The following PDHX variants were observed in gnomAD, a reference collection of about 807,000 sequenced individuals.
PDHX encodes pyruvate dehydrogenase complex component X, also known as pyruvate dehydrogenase protein X component, mitochondrial.
PDHX carries 33 observed loss-of-function variants against 55.3 expected under a neutral mutation model. The ratio of observed to expected loss-of-function variants is 0.60; its 90% CI spans 0.45 to 0.80. The LOEUF (loss-of-function observed/expected upper bound fraction) is 0.80. Ranked by LOEUF, PDHX falls within the 30% of genes least tolerant of loss-of-function variation. The pLI, the probability that PDHX is intolerant of heterozygous loss-of-function variation, is 0.00. For missense variants in PDHX, 622 were observed against 619.9 expected (o/e 1.00, Z -0.04); for synonymous variants, 226 against 219.4 (o/e 1.03, Z -0.27).
chr11:34,952,233 G>A (rs1854791263), intron 3 of PDHX, among the ~76,000 whole-genome samples: 1 of 151,980 alleles, frequency 6.6e-6, no homozygotes, highest in African/African-American at 2.4e-5. Flanking sequence ...AGGACCAGAT[G>A]GATTCACAGC....
At chr11:34,916,429 G>C, upstream of PDHX, 1 of 1,489,822 alleles carries the variant, frequency 6.7e-7, no homozygotes, top group Non-Finnish European at 8.9e-7. Context: ...GCGGGGGCCG[G>C]GGTCTGGTAA....
intron 2 of PDHX, among the ~76,000 whole-genome samples, chr11:34,946,028 T>C (rs1854611298): frequency 1.3e-5 from 2 of 152,234 alleles, no homozygotes. Context: ...TTAGCAAACA[T>C]TGCAGCCTCA....
At chr11:34,924,694 T>A (rs1853975474) in intron 1 of PDHX, among the ~76,000 whole-genome samples, 2 of 152,188 alleles carry the variant, frequency 1.3e-5, no homozygotes, top group South Asian at 2.1e-4. Context: ...TGAGTTTTTT[T>A]AAATTAAATA....
chr11:34,992,099 G>A (rs962536344), intron 9 of PDHX, among the ~76,000 whole-genome samples: 22 of 152,074 alleles, frequency 1.4e-4, no homozygotes, highest in African/African-American at 5.1e-4. Context: ...GTTAAAGGAA[G>A]TGATTTTTCT....
intron 6 of PDHX, among the ~76,000 whole-genome samples, chr11:34,969,719 C>G (rs1285358420): frequency 6.6e-6 from 1 of 152,064 alleles, no homozygotes; most frequent in African/African-American, 2.4e-5. Context: ...TGTCTTCTCT[C>G]TCCTCTCTCT....
chr11:34,941,265 C>T (rs1014632315), intron 2 of PDHX, among the ~76,000 whole-genome samples: 1 of 152,190 alleles, frequency 6.6e-6, no homozygotes, highest in Admixed American at 6.5e-5. Flanking sequence ...ATGACAAACA[C>T]TGACTAGGGG....
At chr11:34,933,276 A>G (rs1210319814) in intron 2 of PDHX, among the ~76,000 whole-genome samples, 2 of 152,158 alleles carry the variant, frequency 1.3e-5, no homozygotes, top group Admixed American at 6.5e-5. Flanking sequence ...CTCTCTCTCA[A>G]TTTGCTTACA....
At chr11:34,961,912 T>C (rs1235021563) in intron 5 of PDHX, among the ~76,000 whole-genome samples, 1 of 152,210 alleles carries the variant, frequency 6.6e-6, no homozygotes, top group African/African-American at 2.4e-5. Flanking sequence ...AGAACCTTGG[T>C]TGCCAGTTAA....
chr11:34,934,079 C>T (rs960496729), intron 2 of PDHX, among the ~76,000 whole-genome samples: 1 of 152,114 alleles, frequency 6.6e-6, no homozygotes, highest in African/African-American at 2.4e-5. Context: ...TGAGAAGTTT[C>T]TCATTATTAG....
chr11:34,982,885 T>G (rs1855550050), intron 8 of PDHX, among the ~76,000 whole-genome samples: 1 of 152,038 alleles, frequency 6.6e-6, no homozygotes, highest in African/African-American at 2.4e-5. Flanking sequence ...ACTATTCCAA[T>G]CAATAGAAAA....
intron 5 of PDHX, among the ~76,000 whole-genome samples, chr11:34,961,951 A>G (rs1257048562): frequency 6.6e-6 from 1 of 152,174 alleles, no homozygotes; most frequent in Non-Finnish European, 1.5e-5. Context: ...ACCAATCCTG[A>G]TTTGTGTCTA....
In PDHX at chr11:34,964,673, C is replaced by G. The variant is rs143527293; in HGVS notation, c.642-1967C>G. ...AGAAGAAGCAATTTTGTTCTTGCTTCTTTATGATTAACCTACCCAAGAACC... is the reference window on the plus strand; with the variant it reads ...AGAAGAAGCAATTTTGTTCTTGCTTGTTTATGATTAACCTACCCAAGAACC... On this transcript the variant is annotated intron_variant, in intron 5 of 10. Transcript: ENST00000227868. Among the ~76,000 whole-genome samples the G allele has an allele frequency of 4.2e-3, 644 of 151,914 alleles. 4 individuals are homozygous for G. The highest frequency in any genetic ancestry group is 0.015 in the African/African-American group (613 of 41,300).
intron 2 of PDHX, among the ~76,000 whole-genome samples, chr11:34,940,802 A>G (rs527417149): frequency 6.6e-6 from 1 of 152,322 alleles, no homozygotes; most frequent in Admixed American, 6.5e-5. Context: ...TATAAATAGA[A>G]GCATGTAATG....
rs960835558 is a variant in PDHX, at chr11:34,995,053, C to G, written c.1387C>G (p.Gln463Glu). The change falls in exon 11 of 11, where the codon CAG becomes GAG. Residue 463 changes from glutamine (Q) to glutamate (E), a missense_variant. Physicochemically the swap from Gln to Glu is conservative, Grantham distance 29. Transcript: ENST00000227868. ...TGAAGAGGGAAATGCCAAACTGCAGCAGCGCCAGCTCATAACAGTCACAAT... is the reference window on the plus strand; with the variant it reads ...TGAAGAGGGAAATGCCAAACTGCAGGAGCGCCAGCTCATAACAGTCACAAT... ...EDEEGNAKLQ[Q>E]RQLITVTMSS... The G allele has an allele frequency of 6.2e-7, 1 of 1,614,042 alleles. No individual in the cohort carries two copies. Among genetic ancestry groups the G allele is most frequent in the South Asian group, 1.1e-5 (1 of 91,084 alleles).
Position 34,984,675 on chromosome 11 carries a change from A to C in PDHX, c.1129A>C (p.Ile377Leu). The C allele has an allele frequency of 6.2e-7, 1 of 1,614,100 alleles. No homozygotes were observed. Among genetic ancestry groups the C allele is most frequent in the Non-Finnish European group, 8.5e-7 (1 of 1,179,948 alleles). ...VATDKGLLTP[I>L]IKDAAAKGIQ... ...AACAGATAAAGGCTTACTTACTCCAATCATAAAAGATGCTGCTGCTAAAGG... is the reference window on the plus strand; with the variant it reads ...AACAGATAAAGGCTTACTTACTCCACTCATAAAAGATGCTGCTGCTAAAGG... The change falls in exon 9 of 11, where the codon ATC (isoleucine) becomes CTC (leucine). Residue 377 changes from isoleucine to leucine, a missense_variant. Coordinates refer to ENST00000227868, the MANE Select transcript of PDHX (RefSeq NM_003477.3).
intron 1 of PDHX, among the ~76,000 whole-genome samples, chr11:34,926,239 A>G (rs1854016854): frequency 6.6e-6 from 1 of 152,158 alleles, no homozygotes; most frequent in African/African-American, 2.4e-5. Context: ...TTTTTAAATT[A>G]CTTTTACTTT....
rs75277391 is a variant in PDHX, at chr11:34,935,284, T to A, written c.241+3800T>A. 1.4e-3 allele frequency among the ~76,000 whole-genome samples: 207 copies of A among 152,314 alleles called. 1 individual carries two copies. The highest frequency in any genetic ancestry group is 0.013 in the South Asian group (62 of 4,834). ...GAATGTTGATATTATTAAGAGAATA[T>A]TTGATACAATACCATCTATAAAGCT... On this transcript the variant is annotated intron_variant, in intron 2 of 10. Transcript: ENST00000227868.
At chr11:34,939,390 A>G (rs1428987541) in intron 2 of PDHX, among the ~76,000 whole-genome samples, 1 of 152,192 alleles carries the variant, frequency 6.6e-6, no homozygotes, top group East Asian at 1.9e-4. Flanking sequence ...GAGAACATTC[A>G]ATGGACAGCA....
intron 9 of PDHX, among the ~76,000 whole-genome samples, chr11:34,990,251 T>C (rs1015465895): frequency 4.6e-5 from 7 of 152,220 alleles, no homozygotes; most frequent in Admixed American, 3.9e-4. Flanking sequence ...AGGCATTCGA[T>C]GTATTGTAGA....
Sources: allele counts gnomAD v4.1 joint callset (sites outside exome capture counted in the v4.1 genomes callset), GRCh38; gene constraint gnomAD v4.1.1; transcripts MANE v1.5; gene names NCBI Gene and HGNC (gene_info 2026-07-23, HGNC 2026-07-21).